The following NR5A2 variants were observed in gnomAD, a reference collection of about 807,000 sequenced individuals.
NR5A2 encodes the protein CYP7A promoter-binding factor.
Under a neutral mutation model 62.7 loss-of-function variants are expected in NR5A2, and 26 were observed. The ratio of observed to expected loss-of-function variants is 0.41; its 90% confidence interval spans 0.30 to 0.58. The LOEUF (loss-of-function observed/expected upper bound fraction) is 0.58, where lower values mean the gene tolerates loss of function less well. Among genes scored for constraint, NR5A2 ranks in the 20% least tolerant of loss-of-function variants. NR5A2 has a pLI of 0.22. For missense variants in NR5A2, 541 were observed against 669.1 expected, an observed-to-expected ratio of 0.81 and a Z score of 2.11; for synonymous variants, 246 against 241.7, an observed-to-expected ratio of 1.02 and a Z score of -0.16.
chr1:200,145,518 T>C (rs1339193071), intron 7 of NR5A2, among the ~76,000 whole-genome samples: 1 of 143,308 alleles, frequency 7.0e-6, no homozygotes, highest in Non-Finnish European at 1.5e-5. Flanking sequence ...GTGTGTGTTA[T>C]AAAGGTGACT....
chr1:200,080,989 C>T (rs769121405), intron 5 of NR5A2, among the ~76,000 whole-genome samples: 23 of 152,094 alleles, frequency 1.5e-4, no homozygotes, highest in Non-Finnish European at 3.4e-4. Context: ...AGAGGTTAGA[C>T]CAGAAGCAAG....
rs1011848516 is a variant in NR5A2, at chr1:200,176,095, A to T, written c.*1885A>T. 6.6e-6 allele frequency: 1 copy of T among 152,666 alleles called. No individual in the cohort carries two copies. The highest frequency in any genetic ancestry group is 1.5e-5 in the Non-Finnish European group (1 of 68,042). The allele number at this position is 152,666 out of a possible 1,614,324, so 9.5% of individuals were successfully genotyped here. A position where few individuals can be genotyped will look rare whatever the true frequency, so the allele number is the denominator to read the frequency against. The stretch of plus-strand genomic sequence containing the variant: ...AGAAGAGTCTTAATGAATTAAAATC[A>T]TTCACTTGATTAAATGTCTGTAAAT... On this transcript the variant is annotated 3_prime_UTR_variant, in exon 8 of 8. Coordinates refer to ENST00000367362, the MANE Select transcript of NR5A2 (RefSeq NM_205860.3).
intron 5 of NR5A2, among the ~76,000 whole-genome samples, chr1:200,074,632 G>C (rs1227060970): frequency 6.7e-6 from 1 of 149,496 alleles, no homozygotes; most frequent in Non-Finnish European, 1.5e-5. Context: ...AGCTACTCGG[G>C]AAGCTGAGGC....
chr1:200,161,401 T>C (rs1265029323), intron 7 of NR5A2, among the ~76,000 whole-genome samples: 1 of 152,210 alleles, frequency 6.6e-6, no homozygotes, highest in African/African-American at 2.4e-5. Context: ...TACGATCTGT[T>C]TCATAAACCC....
chr1:200,133,610 TACAC>T lies in NR5A2; in HGVS notation c.1378+12668_1378+12671del, dbSNP rs35303405. 4.3e-3 allele frequency among the ~76,000 whole-genome samples: 614 copies of T among 143,414 alleles called. 2 individuals carry two copies. Among genetic ancestry groups the T allele is most frequent in the African/African-American group, 0.012 (465 of 38,656 alleles). 94.1% of individuals were successfully genotyped at this position (143,414 alleles called of 152,430 possible). On this transcript the variant is annotated intron_variant, in intron 7 of 7. Transcript: ENST00000367362. ...ACACATATATATATATACACATATA[TACAC>T]ACACACACACACGTATATATGTACA... is the stretch of plus-strand genomic sequence containing the variant.
At position 200,132,405 on chromosome 1, in the gene NR5A2, G is replaced by A. The variant is rs374560145; in HGVS notation, c.1378+11450G>A. Among the ~76,000 whole-genome samples, 28 of 152,240 alleles carry A rather than the reference G, an allele frequency of 1.8e-4. No homozygotes were observed. The South Asian group carries it at 5.8e-3, about 32-fold the overall frequency. On this transcript the variant is annotated intron_variant, in intron 7 of 7. Coordinates refer to ENST00000367362, the MANE Select transcript of NR5A2 (RefSeq NM_205860.3). ...CAGGACACTGTTCTGAATAAGGCGT[G>A]GTACACCAAGCGAAGAGTCCAAAAC...
At chr1:200,159,742 C>T (rs886256071) in intron 7 of NR5A2, among the ~76,000 whole-genome samples, 6 of 152,098 alleles carry the variant, frequency 3.9e-5, no homozygotes, top group African/African-American at 1.4e-4. Context: ...ACCTCCACCT[C>T]CCAGGTTTAA....
chr1:200,061,159 C>T (rs980710586), intron 5 of NR5A2, among the ~76,000 whole-genome samples: 2 of 150,678 alleles, frequency 1.3e-5, no homozygotes, highest in Non-Finnish European at 1.5e-5. Flanking sequence ...CTGAAGTACC[C>T]AGGACTTGTT....
At chr1:200,058,754 C>A (rs1192137330) in intron 5 of NR5A2, among the ~76,000 whole-genome samples, 4 of 148,234 alleles carry the variant, frequency 2.7e-5, no homozygotes, top group African/African-American at 9.9e-5. Flanking sequence ...GCTGGGATTA[C>A]AAGCATGAAC....
Position 200,039,868 on chromosome 1 carries a change from C to T in NR5A2, c.202+73C>T. 1 of 1,477,454 alleles carries T rather than the reference C, an allele frequency of 6.8e-7. No individual in the cohort carries two copies. The highest frequency in any genetic ancestry group is 3.1e-5 in the Admixed American group (1 of 32,508). 91.5% of individuals were successfully genotyped at this position (1,477,454 alleles called of 1,614,324 possible). A position where few individuals can be genotyped will look rare whatever the true frequency, so the allele number is the denominator to read the frequency against. On this transcript the variant is annotated intron_variant, in intron 2 of 7. Transcript: ENST00000367362. The surrounding 1 kb of genome is among the most constrained non-coding windows in gnomAD (Gnocchi z 5.1). ...CCGGGCTCGCCCTGCAGGCTTCAGC[C>T]TCCCGCCCCGCGCGGGCGCGGGAGT...
intron 5 of NR5A2, among the ~76,000 whole-genome samples, chr1:200,087,264 A>G (rs1390159027): frequency 7.1e-6 from 1 of 139,884 alleles, no homozygotes; most frequent in Non-Finnish European, 1.6e-5. Context: ...ACACACACAC[A>G]CACCCTTCCT....
intron 5 of NR5A2, among the ~76,000 whole-genome samples, chr1:200,069,348 C>T (rs1663634139): frequency 6.6e-6 from 1 of 151,982 alleles, no homozygotes; most frequent in South Asian, 2.1e-4. Context: ...GCAACCTCCA[C>T]CTCCTGAGTT....
At chr1:200,094,181 GGT>G (rs1491115312) in intron 5 of NR5A2, among the ~76,000 whole-genome samples, 7 of 71,424 alleles carry the variant, frequency 9.8e-5, no homozygotes, top group African/African-American at 7.7e-5. Context: ...AAAAAAAATT[GGT>G]TTTTTTTTTT....
At chr1:200,055,617 C>T (rs1434463101) in intron 5 of NR5A2, among the ~76,000 whole-genome samples, 2 of 152,190 alleles carry the variant, frequency 1.3e-5, no homozygotes, top group Non-Finnish European at 2.9e-5. Flanking sequence ...ATCATGGGTC[C>T]AACACGAGCA....
intron 5 of NR5A2, among the ~76,000 whole-genome samples, chr1:200,101,050 C>T (rs1665342072): frequency 6.6e-6 from 1 of 152,182 alleles, no homozygotes; most frequent in Non-Finnish European, 1.5e-5. Context: ...ATTCATCTCA[C>T]ATGTAAACTG....
chr1:200,102,017 A>C (rs949645299), intron 5 of NR5A2, among the ~76,000 whole-genome samples: 1 of 152,218 alleles, frequency 6.6e-6, no homozygotes, highest in Non-Finnish European at 1.5e-5. Context: ...TAAACCTCAA[A>C]GATGTCACTC....
At chr1:200,064,498 C>T (rs763902419) in intron 5 of NR5A2, among the ~76,000 whole-genome samples, 1 of 152,120 alleles carries the variant, frequency 6.6e-6, no homozygotes, top group Admixed American at 6.5e-5. Flanking sequence ...TCAAGTAATT[C>T]CTATGGCTGG....
intron 7 of NR5A2, among the ~76,000 whole-genome samples, chr1:200,150,221 A>C (rs1284340274): frequency 1.3e-5 from 2 of 152,200 alleles, no homozygotes; most frequent in African/African-American, 4.8e-5. Context: ...AAACTTATGA[A>C]CCTAAACCAT....
rs1391829057 is a variant in NR5A2 at position 200,029,437 on chromosome 1, G to A, written c.64+1526G>A. On this transcript the variant is annotated intron_variant, in intron 1 of 7. Transcript: ENST00000367362. ...TGCACTTTTCTCTGCAACCCTGGAA[G>A]AACTGTGTTTCCAGCTACCGCACGC... The A allele has an allele frequency of 2.0e-5, 3 of 148,720 alleles. No individual in the cohort carries two copies. The East Asian group carries it at 5.8e-4, about 29-fold the overall frequency. 9.2% of individuals were successfully genotyped at this position (148,720 alleles called of 1,614,324 possible). A position where few individuals can be genotyped will look rare whatever the true frequency, so the allele number is the denominator to read the frequency against.
Sources: gnomAD v4.1 joint callset for allele counts (sites outside exome capture counted in the v4.1 genomes callset) on GRCh38, gnomAD v4.1.1 for gene constraint, Gnocchi (gnomAD v3.1) non-coding constraint, MANE v1.5 for transcripts, NCBI Gene and HGNC (gene_info 2026-07-23, HGNC 2026-07-21) for gene names.